Variants in PPARGC1A observed in about 807,000 individuals in gnomAD.
PPARGC1A encodes peroxisome proliferator-activated receptor gamma coactivator 1-alpha.
A neutral mutation model predicts 88.7 loss-of-function variants in PPARGC1A; 25 were observed. That is an observed-to-expected ratio of 0.28 (90% CI 0.21 to 0.39). The LOEUF (loss-of-function observed/expected upper bound fraction) is 0.39, where lower values mean the gene tolerates loss of function less well. Ranked by LOEUF, PPARGC1A falls within the 10% of genes least tolerant of loss-of-function variation. The probability of loss-of-function intolerance (pLI) is 1.00; values close to 1 mark genes in which losing one functional copy is unlikely to be tolerated. For missense variants in PPARGC1A, 880 were observed against 968.7 expected, an observed-to-expected ratio of 0.91 and a Z score of 1.22; for synonymous variants, 363 against 355.6, an observed-to-expected ratio of 1.02 and a Z score of -0.24.
the PPARGC1A span, among the ~76,000 whole-genome samples, chr4:24,441,113 T>C: frequency 5.9e-5 from 9 of 152,310 alleles, no homozygotes; most frequent in East Asian, 1.7e-3. Flanking sequence ...AGTCTTCAGT[T>C]CATCAGTTGT....
the PPARGC1A span, among the ~76,000 whole-genome samples, chr4:24,000,987 T>C: frequency 3.3e-3 from 509 of 152,276 alleles, 2 homozygotes; most frequent in African/African-American, 0.012. Context: ...ATCTAAAGAG[T>C]ACTATAGAAA....
At chr4:24,149,962 G>C in the PPARGC1A span, among the ~76,000 whole-genome samples, 2 of 152,108 alleles carry the variant, frequency 1.3e-5, no homozygotes, top group African/African-American at 4.8e-5. Flanking sequence ...AACCCTTCAG[G>C]AAGGTGGAGT....
At chr4:24,401,081 C>G in the PPARGC1A span, among the ~76,000 whole-genome samples, 191 of 139,276 alleles carry the variant, frequency 1.4e-3, 1 homozygote, top group African/African-American at 4.8e-3. Flanking sequence ...TGCAGTGGCG[C>G]GATCTTGGCT....
the PPARGC1A span, among the ~76,000 whole-genome samples, chr4:24,200,639 T>A: frequency 1.1e-5 from 1 of 94,980 alleles, no homozygotes; most frequent in Non-Finnish European, 2.2e-5. Context: ...GTAACCAAAA[T>A]GTTTTATTTA....
chr4:24,181,800 C>G, the PPARGC1A span, among the ~76,000 whole-genome samples: 1 of 152,132 alleles, frequency 6.6e-6, no homozygotes, highest in Non-Finnish European at 1.5e-5. Context: ...GCAAGAAAAT[C>G]TAACTTCCTG....
chr4:23,795,598 G>A lies in PPARGC1A; in HGVS notation c.*224C>T. 4.2e-6 allele frequency: 2 copies of A among 475,558 alleles called. No individual in the cohort carries two copies. The highest frequency in any genetic ancestry group is 5.1e-5 in the South Asian group (2 of 39,492). 29.5% of individuals were successfully genotyped at this position (475,558 alleles called of 1,614,324 possible). On this transcript the variant is annotated 3_prime_UTR_variant, in exon 13 of 13. Coordinates refer to ENST00000264867, the MANE Select transcript of PPARGC1A (RefSeq NM_013261.5). ...CCCATGAATAAACATGTGCTTACTG[G>A]ATATCATTCTGTCTCTTGCCTCTTC...
chr4:24,381,637 G>A, the PPARGC1A span, among the ~76,000 whole-genome samples: 1 of 152,172 alleles, frequency 6.6e-6, no homozygotes, highest in Non-Finnish European at 1.5e-5. Context: ...CATTTCCAAA[G>A]TCTCACCTTA....
the PPARGC1A span, among the ~76,000 whole-genome samples, chr4:24,398,374 T>C: frequency 1.3e-5 from 2 of 152,206 alleles, no homozygotes; most frequent in Non-Finnish European, 2.9e-5. Flanking sequence ...TCTTTTCAAA[T>C]TTCTTACAAA....
the PPARGC1A span, among the ~76,000 whole-genome samples, chr4:24,354,594 A>G: frequency 6.6e-6 from 1 of 152,084 alleles, no homozygotes; most frequent in African/African-American, 2.4e-5. Flanking sequence ...ATCATGTAAA[A>G]CCACCCTTTT....
chr4:24,071,729 A>G, the PPARGC1A span, among the ~76,000 whole-genome samples: 29 of 152,274 alleles, frequency 1.9e-4, no homozygotes, highest in South Asian at 6.2e-4. Flanking sequence ...TACGGTAGAA[A>G]GGAAAGGGCA....
chr4:23,907,508 C>A (rs1720188816), upstream of PPARGC1A, among the ~76,000 whole-genome samples: 1 of 152,196 alleles, frequency 6.6e-6, no homozygotes, highest in Non-Finnish European at 1.5e-5. Flanking sequence ...CCCAGAGACA[C>A]AAACCTGAGT....
In PPARGC1A at chr4:23,868,424, G is replaced by C. The variant is rs1347710827; in HGVS notation, c.234+16328C>G. On this transcript the variant is annotated intron_variant, in intron 2 of 12. Coordinates refer to ENST00000264867, the MANE Select transcript of PPARGC1A (RefSeq NM_013261.5). The stretch of plus-strand genomic sequence containing the variant: ...ATGATTGGTCTGAATGGCTGGGAAG[G>C]TCATGTTATATTCTCTCTCTCTTTC... 6.6e-5 allele frequency among the ~76,000 whole-genome samples: 10 copies of C among 152,244 alleles called. No individual in the cohort carries two copies. The East Asian group carries it at 1.9e-3, about 29-fold the overall frequency.
At chr4:24,121,298 T>C in the PPARGC1A span, among the ~76,000 whole-genome samples, 2 of 152,106 alleles carry the variant, frequency 1.3e-5, no homozygotes, top group African/African-American at 4.8e-5. Context: ...CCACGCCTGT[T>C]TTTCAAACAA....
intron 1 of PPARGC1A, among the ~76,000 whole-genome samples, chr4:23,889,621 G>T (rs1368133286): frequency 6.6e-6 from 1 of 152,108 alleles, no homozygotes; most frequent in Admixed American, 6.5e-5. Flanking sequence ...CATAAATATT[G>T]CATATGAGTA....
chr4:23,956,539 A>C, the PPARGC1A span, among the ~76,000 whole-genome samples: 1 of 151,982 alleles, frequency 6.6e-6, no homozygotes, highest in Non-Finnish European at 1.5e-5. Context: ...TTCTGCCACT[A>C]AAATATCTCT....
intron 10 of PPARGC1A, among the ~76,000 whole-genome samples, chr4:23,807,397 G>T (rs538421848): frequency 6.6e-6 from 1 of 152,074 alleles, no homozygotes; most frequent in African/African-American, 2.4e-5. Context: ...CCCCATTCAC[G>T]TACCGTGTGC....
Position 23,813,700 on chromosome 4 carries a change from A to T in PPARGC1A, c.1783T>A (p.Ser595Thr). 1 of 1,591,422 alleles carries T rather than the reference A, an allele frequency of 6.3e-7. No homozygotes were observed. The highest frequency in any genetic ancestry group is 8.6e-7 in the Non-Finnish European group (1 of 1,165,908). The change falls in exon 8 of 13, where the codon TCC becomes ACC. Residue 595 changes from serine to threonine, a missense_variant. Physicochemically the swap from Ser to Thr is moderately conservative, Grantham distance 58. Coordinates refer to ENST00000264867, the MANE Select transcript of PPARGC1A (RefSeq NM_013261.5). ...TTTGCCAAGGTTTACCTTGAAGAGG[A>T]TCTACTGCCTGGAGACCTTGATCTT... ...RSRSRSPGSRSSSRSCYYYES... is the reference protein window; with the variant it reads ...RSRSRSPGSRTSSRSCYYYES...
rs1716953822 is a variant in PPARGC1A, at chr4:23,793,233, A to G, written c.*2589T>C. 6.6e-6 allele frequency: 1 copy of G among 152,592 alleles called. No homozygotes were observed. The highest frequency in any genetic ancestry group is 1.9e-4 in the East Asian group (1 of 5,184). The allele number at this position is 152,592 out of a possible 1,614,324, so 9.5% of individuals were successfully genotyped here. On this transcript the variant is annotated 3_prime_UTR_variant, in exon 13 of 13. Coordinates refer to ENST00000264867, the MANE Select transcript of PPARGC1A (RefSeq NM_013261.5). ...CAAAATTCAGAAAGAAAGACTGTAA[A>G]CTTTAGTTTGGCGTTCACACAGTTA...
At chr4:24,179,708 G>A in the PPARGC1A span, among the ~76,000 whole-genome samples, 1 of 152,152 alleles carries the variant, frequency 6.6e-6, no homozygotes, top group African/African-American at 2.4e-5. Context: ...AGCTACATAA[G>A]TGGTTGCTAT....
Sources: gnomAD v4.1 joint callset for allele counts (sites outside exome capture counted in the v4.1 genomes callset) on GRCh38, gnomAD v4.1.1 for gene constraint, MANE v1.5 for transcripts, NCBI Gene and HGNC (gene_info 2026-07-23, HGNC 2026-07-21) for gene names.